The following BRINP1 variants were observed in gnomAD, a reference collection of about 807,000 sequenced individuals.
BRINP1 encodes the protein BMP/retinoic acid inducible neural specific 1.
BRINP1 carries 17 observed loss-of-function variants against 72.9 expected under a neutral mutation model. The observed-to-expected ratio is 0.23, with a 90% confidence interval of 0.16 to 0.35. BRINP1 has a LOEUF of 0.35. Ranked by LOEUF, BRINP1 falls within the 10% of genes least tolerant of loss-of-function variation. The probability of loss-of-function intolerance (pLI) is 1.00; values close to 1 mark genes in which losing one functional copy is unlikely to be tolerated. For missense variants in BRINP1, 850 were observed against 1,001.6 expected (o/e 0.85, Z 2.04); for synonymous variants, 418 against 378.5 (o/e 1.10, Z -1.21).
chr9:119,313,011 C>A, intron 2 of BRINP1, 127 bp downstream of exon 2: 2 of 1,059,194 alleles, frequency 1.9e-6, no homozygotes, highest in Non-Finnish European at 1.3e-6. Flanking sequence ...TCAAAAACAG[C>A]TTGTGGAAGG....
chr9:119,313,236 C>T lies in BRINP1; in HGVS notation c.120G>A (p.Trp40Ter). 6.2e-7 allele frequency: 1 copy of T among 1,614,126 alleles called. No individual in the cohort carries two copies. The highest frequency in any genetic ancestry group is 8.5e-7 in the Non-Finnish European group (1 of 1,180,028). Reference sequence around the variant, plus strand: ...GGAAAGGCCCCCTGTCTGAAATGAGCCAATCAAATTCCTTGGAGACATGTT... The same window carrying T: ...GGAAAGGCCCCCTGTCTGAAATGAGTCAATCAAATTCCTTGGAGACATGTT... ...TDQHVSKEFD[W>*]LISDRGPFHH... The change falls in exon 2 of 8, where the codon TGG (tryptophan) becomes TGA (stop). Residue 40 changes from tryptophan to a stop codon, truncating the protein, a stop_gained. Coordinates refer to ENST00000265922, the MANE Select transcript of BRINP1 (RefSeq NM_014618.3). LOFTEE classifies it high-confidence loss of function.
intron 2 of BRINP1, among the ~76,000 whole-genome samples, chr9:119,305,041 A>G (rs892086569): frequency 1.3e-5 from 2 of 152,258 alleles, no homozygotes; most frequent in Non-Finnish European, 2.9e-5. Flanking sequence ...CTAATCACAC[A>G]TGGTACAATT....
At chr9:119,199,800 CT>C (rs11375044) in intron 7 of BRINP1, among the ~76,000 whole-genome samples, 7 of 145,902 alleles carry the variant, frequency 4.8e-5, no homozygotes, top group Non-Finnish European at 4.5e-5. Flanking sequence ...TCTTGTTCTT[CT>C]TTTTTTTTTT....
intron 1 of BRINP1, among the ~76,000 whole-genome samples, chr9:119,344,292 C>T (rs923703487): frequency 7.9e-5 from 12 of 152,252 alleles, no homozygotes; most frequent in Admixed American, 3.3e-4. Flanking sequence ...AATAAATATA[C>T]ATTATTATTA....
intron 5 of BRINP1, among the ~76,000 whole-genome samples, chr9:119,236,713 C>A (rs1830194774): frequency 6.6e-6 from 1 of 152,152 alleles, no homozygotes; most frequent in Non-Finnish European, 1.5e-5. Flanking sequence ...CATTGAAAAC[C>A]CTGGCACACA....
intron 2 of BRINP1, among the ~76,000 whole-genome samples, chr9:119,301,541 G>A (rs1475504087): frequency 1.3e-5 from 2 of 152,214 alleles, no homozygotes; most frequent in African/African-American, 4.8e-5. Flanking sequence ...AGAGAGGTTT[G>A]ACTGTAAAGG....
chr9:119,208,138 A>G (rs1359607578), intron 7 of BRINP1, among the ~76,000 whole-genome samples: 1 of 152,154 alleles, frequency 6.6e-6, no homozygotes, highest in Non-Finnish European at 1.5e-5. Flanking sequence ...TATATCCAGG[A>G]CATGGCTGGA....
At chr9:119,309,394 G>T (rs967018992) in intron 2 of BRINP1, among the ~76,000 whole-genome samples, 3 of 152,162 alleles carry the variant, frequency 2.0e-5, no homozygotes, top group African/African-American at 7.2e-5. Context: ...TTGAATCCCA[G>T]CTGTGCCACT....
chr9:119,240,401 A>G (rs1169679416), intron 4 of BRINP1, among the ~76,000 whole-genome samples: 1 of 152,208 alleles, frequency 6.6e-6, no homozygotes, highest in African/African-American at 2.4e-5. Context: ...AGTGCCTACC[A>G]TAAGAAATGG....
At position 119,268,289 on chromosome 9, in the gene BRINP1, T is replaced by TAGATAGACAGAC. The variant is rs1554752352; in HGVS notation, c.219-19140_219-19139insGTCTGTCTATCT. On this transcript the variant is annotated intron_variant, in intron 2 of 7. Coordinates refer to ENST00000265922, the MANE Select transcript of BRINP1 (RefSeq NM_014618.3). ...ATAGATAGATAGATAGATAGATAGA[T>TAGATAGACAGAC]AGATAGATAGATAAAAGTGTTTTTG... 4.0e-3 allele frequency among the ~76,000 whole-genome samples: 594 copies of TAGATAGACAGAC among 148,708 alleles called. 4 individuals are homozygous for TAGATAGACAGAC. The highest frequency in any genetic ancestry group is 0.012 in the African/African-American group (501 of 41,178).
chr9:119,299,916 T>A (rs1338207134), intron 2 of BRINP1, among the ~76,000 whole-genome samples: 1 of 152,182 alleles, frequency 6.6e-6, no homozygotes, highest in African/African-American at 2.4e-5. Flanking sequence ...ACCAACCTTA[T>A]CCAAGAGTTG....
chr9:119,185,464 A>G (rs759807843), intron 7 of BRINP1, among the ~76,000 whole-genome samples: 3 of 152,210 alleles, frequency 2.0e-5, no homozygotes, highest in African/African-American at 4.8e-5. Context: ...CCTTTGTACT[A>G]AAATTATCAC....
chr9:119,172,563 C>T (rs1829428449), intron 7 of BRINP1, among the ~76,000 whole-genome samples: 1 of 151,476 alleles, frequency 6.6e-6, no homozygotes, highest in Non-Finnish European at 1.5e-5. Flanking sequence ...CAAGGAGGAA[C>T]TGGTACCATT....
intron 2 of BRINP1, among the ~76,000 whole-genome samples, chr9:119,306,467 C>T (rs1318508816): frequency 6.6e-6 from 1 of 152,188 alleles, no homozygotes; most frequent in Non-Finnish European, 1.5e-5. Flanking sequence ...TCATGCCTCT[C>T]ACCAATGCTG....
chr9:119,275,770 A>G (rs2118956336), intron 2 of BRINP1, among the ~76,000 whole-genome samples: 1 of 152,312 alleles, frequency 6.6e-6, no homozygotes, highest in African/African-American at 2.4e-5. Context: ...TATCTTCAAG[A>G]AGCATGCTCT....
chr9:119,359,089 G>A (rs926995131), intron 1 of BRINP1, among the ~76,000 whole-genome samples: 3 of 152,204 alleles, frequency 2.0e-5, no homozygotes, highest in African/African-American at 7.2e-5. Flanking sequence ...ATAAAAGGCA[G>A]TAACAGTTAA....
rs1829953486 is a variant in BRINP1, at chr9:119,213,951, C to G, written c.890G>C (p.Trp297Ser). ...EYTLANMAKS[W>S]AEAYKDLENS... ...CTCCAGGTCCTTATAAGCTTCGGCC[C>G]AAGACTTGGCCATGTTGGCCAGCGT... Residue 297 changes from tryptophan (W) to serine (S), a missense_variant, in exon 6 of 8, where the codon TGG becomes TCG. Coordinates refer to ENST00000265922, the MANE Select transcript of BRINP1 (RefSeq NM_014618.3). The G allele has an allele frequency of 6.2e-7, 1 of 1,614,162 alleles. No homozygotes were observed. Among genetic ancestry groups the G allele is most frequent in the Non-Finnish European group, 8.5e-7 (1 of 1,180,032 alleles).
rs1483555908 is a variant in BRINP1 at position 119,321,227 on chromosome 9, G to A, written c.-50-7822C>T. On this transcript the variant is annotated intron_variant, in intron 1 of 7. Transcript: ENST00000265922. Reference sequence around the variant, plus strand: ...ATTACAGGCGTGAGCCACCGCACCCGGCCATTGGTCCCCATTTTATACATG... The same window carrying A: ...ATTACAGGCGTGAGCCACCGCACCCAGCCATTGGTCCCCATTTTATACATG... 5.3e-5 allele frequency among the ~76,000 whole-genome samples: 8 copies of A among 152,138 alleles called. 1 individual carries two copies. Among genetic ancestry groups the A allele is most frequent in the Admixed American group, 2.6e-4 (4 of 15,288 alleles).
chr9:119,303,796 A>C (rs1325608026), intron 2 of BRINP1, among the ~76,000 whole-genome samples: 1 of 152,118 alleles, frequency 6.6e-6, no homozygotes, highest in Non-Finnish European at 1.5e-5. Flanking sequence ...CTGGATTTGC[A>C]GGGGTGGATA....
Sources: gnomAD v4.1 joint callset for allele counts (sites outside exome capture counted in the v4.1 genomes callset) on GRCh38, gnomAD v4.1.1 for gene constraint, MANE v1.5 for transcripts, NCBI Gene and HGNC (gene_info 2026-07-23, HGNC 2026-07-21) for gene names.